Variants in EHBP1 observed in about 807,000 individuals in gnomAD.
EHBP1 encodes EH domain binding protein 1, also known as EH domain-binding protein 1.
Under a neutral mutation model 144.0 loss-of-function variants are expected in EHBP1, and 55 were observed. The ratio of observed to expected loss-of-function variants is 0.38; its 90% CI spans 0.31 to 0.48. The LOEUF (loss-of-function observed/expected upper bound fraction) is 0.48, where lower values mean the gene tolerates loss of function less well. Among genes scored for constraint, EHBP1 ranks in the 20% least tolerant of loss-of-function variants. The pLI is 0.98. For synonymous variants in EHBP1, 469 were observed against 472.7 expected (o/e 0.99, Z 0.10); for missense variants, 1,200 against 1,364.2 (o/e 0.88, Z 1.90).
At chr2:62,940,182 G>A (rs2056659670) in intron 10 of EHBP1, 5 of 353,684 alleles carry the variant, frequency 1.4e-5, no homozygotes, top group Admixed American at 3.0e-5. Flanking sequence ...AAGAGCATCC[G>A]CAAGCAGTTT....
intron 10 of EHBP1, among the ~76,000 whole-genome samples, chr2:62,937,159 TAAG>T (rs2056440348): frequency 6.6e-6 from 1 of 152,170 alleles, no homozygotes; most frequent in South Asian, 2.1e-4. Flanking sequence ...CTGAAGACAA[TAAG>T]AAGTTGACTG....
intron 10 of EHBP1, among the ~76,000 whole-genome samples, chr2:62,909,804 C>G (rs1233943618): frequency 6.6e-6 from 1 of 152,154 alleles, no homozygotes; most frequent in East Asian, 1.9e-4. Flanking sequence ...GTCACCCAGG[C>G]TGGAGTGCAG....
At chr2:62,778,188 ATGT>A (rs2042175383) in intron 5 of EHBP1, among the ~76,000 whole-genome samples, 2 of 152,016 alleles carry the variant, frequency 1.3e-5, no homozygotes, top group South Asian at 4.1e-4. Context: ...TGTTTGTTTG[ATGT>A]TACCTCCGGA....
intron 5 of EHBP1, among the ~76,000 whole-genome samples, chr2:62,788,840 G>A (rs548447249): frequency 5.9e-5 from 9 of 152,178 alleles, no homozygotes; most frequent in Non-Finnish European, 1.2e-4. Context: ...GACCCTGTTA[G>A]ATGTATTAGA....
intron 5 of EHBP1, among the ~76,000 whole-genome samples, chr2:62,816,950 A>G (rs530248068): frequency 6.6e-6 from 1 of 152,308 alleles, no homozygotes; most frequent in South Asian, 2.1e-4. Context: ...CAGCTGTGCA[A>G]ATGGAAACAG....
intron 4 of EHBP1, among the ~76,000 whole-genome samples, chr2:62,767,442 A>G (rs1431854950): frequency 6.6e-6 from 1 of 152,124 alleles, no homozygotes; most frequent in Non-Finnish European, 1.5e-5. Flanking sequence ...TCATGTCTGT[A>G]ATCCCGACAC....
chr2:62,813,551 G>C (rs1168028116), intron 5 of EHBP1, among the ~76,000 whole-genome samples: 2 of 152,182 alleles, frequency 1.3e-5, no homozygotes, highest in African/African-American at 2.4e-5. Flanking sequence ...AGCTACCACT[G>C]TGCAACTCCA....
chr2:62,877,601 C>T (rs570964016), intron 10 of EHBP1, among the ~76,000 whole-genome samples: 1 of 152,296 alleles, frequency 6.6e-6, no homozygotes, highest in African/African-American at 2.4e-5. Flanking sequence ...TCAGTCATAA[C>T]ACAATTCTCA....
chr2:62,871,766 A>G (rs1209915889), intron 9 of EHBP1, among the ~76,000 whole-genome samples: 3 of 152,202 alleles, frequency 2.0e-5, no homozygotes, highest in Admixed American at 6.5e-5. Context: ...GTGCCCCAGC[A>G]TATCCATAAG....
chr2:63,021,235 CCT>C (rs1192269585), intron 19 of EHBP1, among the ~76,000 whole-genome samples: 2 of 151,996 alleles, frequency 1.3e-5, no homozygotes, highest in Non-Finnish European at 2.9e-5. Context: ...TCCGTCTCTC[CCT>C]CTGTCTCTCC....
intron 8 of EHBP1, among the ~76,000 whole-genome samples, chr2:62,861,976 T>A (rs17473084): frequency 0.088 from 13,385 of 152,220 alleles, 833 homozygotes; most frequent in Non-Finnish European, 0.13. Flanking sequence ...CTGATATTTG[T>A]TAATACAAAA....
intron 3 of EHBP1, among the ~76,000 whole-genome samples, chr2:62,754,786 C>T (rs1195084228): frequency 3.3e-5 from 5 of 152,302 alleles, no homozygotes; most frequent in South Asian, 2.1e-4. Context: ...ACCCTCCGAG[C>T]CAGGAGCGGG....
chr2:63,007,235 A>AC (rs1231452301), intron 19 of EHBP1, among the ~76,000 whole-genome samples: 1 of 151,764 alleles, frequency 6.6e-6, no homozygotes, highest in Admixed American at 6.6e-5. Flanking sequence ...AGAGTATAAT[A>AC]CCCTTCTGAT....
At chr2:62,685,276 G>T (rs1244578979) in intron 1 of EHBP1, among the ~76,000 whole-genome samples, 2 of 151,900 alleles carry the variant, frequency 1.3e-5, no homozygotes, top group Non-Finnish European at 2.9e-5. Context: ...ACATCACTTT[G>T]TACCCCATAA....
At chr2:62,859,012 A>T (rs1221188113) in intron 7 of EHBP1, among the ~76,000 whole-genome samples, 157 bp from the exon 8 acceptor site, 1 of 152,238 alleles carries the variant, frequency 6.6e-6, no homozygotes, top group Non-Finnish European at 1.5e-5. Flanking sequence ...TTGGTATGCT[A>T]CAAAATACTT....
chr2:62,985,071 A>T (rs772774097), intron 15 of EHBP1, among the ~76,000 whole-genome samples: 1 of 152,046 alleles, frequency 6.6e-6, no homozygotes, highest in Non-Finnish European at 1.5e-5. Context: ...CCCAACATCC[A>T]GTTGATTTCC....
At chr2:62,864,584 T>C in intron 8 of EHBP1, 147 bp from the exon 9 acceptor site, 2 of 734,344 alleles carry the variant, frequency 2.7e-6, no homozygotes. Context: ...CCCTCTAAAA[T>C]ATATTATTGT....
intron 7 of EHBP1, among the ~76,000 whole-genome samples, chr2:62,848,479 A>G (rs2048453372): frequency 6.6e-6 from 1 of 152,220 alleles, no homozygotes; most frequent in South Asian, 2.1e-4. Context: ...AAAGATTTGC[A>G]CAAAGATATT....
At chr2:62,876,061 A>G (rs1422775139) in intron 10 of EHBP1, among the ~76,000 whole-genome samples, 1 of 152,214 alleles carries the variant, frequency 6.6e-6, no homozygotes, top group East Asian at 1.9e-4. Context: ...AAACATATTC[A>G]AGGATATTGT....
Sources: allele counts gnomAD v4.1 joint callset (sites outside exome capture counted in the v4.1 genomes callset), GRCh38; gene constraint gnomAD v4.1.1; transcripts MANE v1.5; gene names NCBI Gene and HGNC (gene_info 2026-07-23, HGNC 2026-07-21).